The following NYAP2 variants were observed in gnomAD, a reference collection of about 807,000 sequenced individuals.
NYAP2 encodes neuronal tyrosine-phosphorylated phosphoinositide-3-kinase adapter 2.
In NYAP2, 23 loss-of-function variants were observed where a neutral mutation model predicts 50.4. The ratio of observed to expected loss-of-function variants is 0.46; its 90% CI spans 0.33 to 0.65. The LOEUF (loss-of-function observed/expected upper bound fraction) is 0.65, where lower values mean the gene tolerates loss of function less well. NYAP2 is among the 30% of genes least tolerant of loss of function. The pLI is 0.02. For synonymous variants in NYAP2, 394 were observed against 365.2 expected, an observed-to-expected ratio of 1.08 and a Z score of -0.90; for missense variants, 885 against 861.0, an observed-to-expected ratio of 1.03 and a Z score of -0.35.
chr2:225,608,826 C>T (rs752568868), intron 5 of NYAP2, among the ~76,000 whole-genome samples: 4 of 152,100 alleles, frequency 2.6e-5, no homozygotes, highest in Non-Finnish European at 4.4e-5. Context: ...ATAAATGTGA[C>T]TAGGGAAGGG....
chr2:225,537,554 A>G (rs569289927), intron 4 of NYAP2, among the ~76,000 whole-genome samples: 5 of 152,124 alleles, frequency 3.3e-5, no homozygotes, highest in Non-Finnish European at 7.4e-5. Flanking sequence ...ATTCACTATC[A>G]TGATAATGGC....
the NYAP2 span, among the ~76,000 whole-genome samples, chr2:225,670,758 C>T: frequency 2.0e-5 from 3 of 151,990 alleles, no homozygotes; most frequent in African/African-American, 7.2e-5. Flanking sequence ...GGATTGTTTA[C>T]AGGCATACCT....
Position 225,402,770 on chromosome 2 carries a change from A to G in NYAP2, c.-18+1727A>G, listed in dbSNP as rs185236253. Among the ~76,000 whole-genome samples the G allele has an allele frequency of 2.6e-4, 40 of 152,170 alleles. No individual in the cohort carries two copies. The East Asian group carries it at 7.4e-3, about 28-fold the overall frequency. On this transcript the variant is annotated intron_variant, in intron 2 of 6. Coordinates refer to ENST00000636099, the Ensembl canonical transcript of NYAP2. Reference sequence around the variant, plus strand: ...CAGCTGCATTTTGATGACACTGAGAATGAGAAAATGAGTGTGACCATTTGT... The same window carrying G: ...CAGCTGCATTTTGATGACACTGAGAGTGAGAAAATGAGTGTGACCATTTGT...
intron 3 of NYAP2, among the ~76,000 whole-genome samples, chr2:225,444,994 T>G (rs1193966644): frequency 6.6e-6 from 1 of 152,202 alleles, no homozygotes; most frequent in Non-Finnish European, 1.5e-5. Flanking sequence ...TCTCTGTTAC[T>G]GACTTGGCTA....
At chr2:225,413,557 A>G (rs898583320) in intron 3 of NYAP2, among the ~76,000 whole-genome samples, 1 of 152,162 alleles carries the variant, frequency 6.6e-6, no homozygotes, top group Non-Finnish European at 1.5e-5. Context: ...TCAAACTACA[A>G]TTTTGGAATT....
At chr2:225,425,940 A>T (rs1232082167) in intron 3 of NYAP2, among the ~76,000 whole-genome samples, 1 of 152,130 alleles carries the variant, frequency 6.6e-6, no homozygotes, top group Admixed American at 6.6e-5. Context: ...TGAGAGAGAG[A>T]AAAAGAAAGA....
rs75199406 is a variant in NYAP2, at chr2:225,413,703, T to C, written c.221+4602T>C. ...AGGACCAACATCTAAACCTAACACGTTTTAATATTTTTAGCATGCAATTTA... is the reference window on the plus strand; with the variant it reads ...AGGACCAACATCTAAACCTAACACGCTTTAATATTTTTAGCATGCAATTTA... On this transcript the variant is annotated intron_variant, in intron 3 of 6. Coordinates refer to ENST00000636099, the Ensembl canonical transcript of NYAP2. 7.2e-4 allele frequency among the ~76,000 whole-genome samples: 110 copies of C among 152,262 alleles called. 1 individual carries two copies. The highest frequency in any genetic ancestry group is 7.1e-3 in the East Asian group (37 of 5,176).
At chr2:225,444,523 A>T (rs1026986540) in intron 3 of NYAP2, among the ~76,000 whole-genome samples, 2 of 152,198 alleles carry the variant, frequency 1.3e-5, no homozygotes, top group Non-Finnish European at 2.9e-5. Flanking sequence ...CCACACACAC[A>T]GACGTGACAC....
At position 225,630,776 on chromosome 2, in the gene NYAP2, A is replaced by G. The variant is rs555222435; in HGVS notation, c.1828+3650A>G. On this transcript the variant is annotated intron_variant, in intron 6 of 6. Coordinates refer to ENST00000636099, the Ensembl canonical transcript of NYAP2. ...AATGTAATTCAGTTTACATCATGGA[A>G]CACCCAATGATGACTCTGTGGCTTT... Among the ~76,000 whole-genome samples the G allele has an allele frequency of 2.0e-5, 3 of 152,348 alleles. No individual in the cohort carries two copies. The East Asian group carries it at 5.8e-4, about 29-fold the overall frequency.
chr2:225,625,043 TAAAAAAAAAAAAAAA>T (rs386392796), intron 5 of NYAP2, among the ~76,000 whole-genome samples: 1 of 69,630 alleles, frequency 1.4e-5, no homozygotes, highest in African/African-American at 6.0e-5. Context: ...AACCCAAGCG[TAAAAAAAAAAAAAAA>T]AAAAAAAAAA....
chr2:225,520,411 A>G (rs1691027316), intron 4 of NYAP2, among the ~76,000 whole-genome samples: 1 of 152,118 alleles, frequency 6.6e-6, no homozygotes, highest in Non-Finnish European at 1.5e-5. Flanking sequence ...TTTAGGTCTA[A>G]CATTTAAGTC....
the NYAP2 span, among the ~76,000 whole-genome samples, chr2:225,689,201 A>T: frequency 6.3e-3 from 966 of 152,322 alleles, 14 homozygotes; most frequent in African/African-American, 0.022. Flanking sequence ...CTTAAAGGAC[A>T]TCACTATAGA....
At chr2:225,666,756 C>G in the NYAP2 span, among the ~76,000 whole-genome samples, 1 of 152,120 alleles carries the variant, frequency 6.6e-6, no homozygotes, top group South Asian at 2.1e-4. Context: ...GTACTAGATT[C>G]TTAATCTTTT....
intron 3 of NYAP2, among the ~76,000 whole-genome samples, chr2:225,423,781 G>A (rs1695249547): frequency 6.6e-6 from 1 of 152,096 alleles, no homozygotes; most frequent in Non-Finnish European, 1.5e-5. Context: ...AGCAACTCTT[G>A]TTAGTTGCTG....
chr2:225,428,316 A>G (rs1695316011), intron 3 of NYAP2, among the ~76,000 whole-genome samples: 1 of 152,180 alleles, frequency 6.6e-6, no homozygotes, highest in Non-Finnish European at 1.5e-5. Flanking sequence ...ACCTGGAAAG[A>G]TTACTTGAAA....
At chr2:225,638,541 G>T (rs758075891) in intron 6 of NYAP2, among the ~76,000 whole-genome samples, 1 of 152,100 alleles carries the variant, frequency 6.6e-6, no homozygotes, top group Non-Finnish European at 1.5e-5. Flanking sequence ...CCATGAGAGT[G>T]CCTGGGGCAG....
chr2:225,435,319 T>C (rs1689358370), intron 3 of NYAP2, among the ~76,000 whole-genome samples: 1 of 152,184 alleles, frequency 6.6e-6, no homozygotes, highest in Admixed American at 6.5e-5. Context: ...GTGACCCATA[T>C]AAAGAGATAA....
chr2:225,668,284 A>G, the NYAP2 span, among the ~76,000 whole-genome samples: 2 of 152,132 alleles, frequency 1.3e-5, no homozygotes. Context: ...TAGCAAGAAA[A>G]CTACATGTGA....
intron 5 of NYAP2, among the ~76,000 whole-genome samples, chr2:225,600,157 C>T (rs1281641114): frequency 6.6e-6 from 1 of 152,012 alleles, no homozygotes; most frequent in Non-Finnish European, 1.5e-5. Context: ...GCCAGTAAGT[C>T]AACAGTGCTG....
Sources: gnomAD v4.1 joint callset for allele counts (sites outside exome capture counted in the v4.1 genomes callset) on GRCh38, gnomAD v4.1.1 for gene constraint, MANE v1.5 for transcripts, NCBI Gene and HGNC (gene_info 2026-07-23, HGNC 2026-07-21) for gene names.